The following CLEC16A variants were observed in gnomAD, a reference collection of about 807,000 sequenced individuals.
The protein encoded by CLEC16A is protein CLEC16A.
Under a neutral mutation model 109.5 loss-of-function variants are expected in CLEC16A, and 51 were observed. That is an observed-to-expected ratio of 0.47 (90% CI 0.37 to 0.59). The LOEUF (loss-of-function observed/expected upper bound fraction) is 0.59. CLEC16A is among the 20% of genes least tolerant of loss of function. The pLI, the probability that CLEC16A is intolerant of heterozygous loss-of-function variation, is 0.00. For synonymous variants in CLEC16A, 673 were observed against 564.2 expected (o/e 1.19, Z -2.73); for missense variants, 1,339 against 1,394.0 (o/e 0.96, Z 0.63).
intron 19 of CLEC16A, among the ~76,000 whole-genome samples, chr16:11,101,111 C>T (rs1036825516): frequency 8.5e-5 from 13 of 152,106 alleles, no homozygotes; most frequent in Non-Finnish European, 1.2e-4. Flanking sequence ...GCTTAGTAAA[C>T]TCTTTGTTCG....
At chr16:11,003,783 G>A (rs1211952424) in intron 11 of CLEC16A, among the ~76,000 whole-genome samples, 1 of 151,864 alleles carries the variant, frequency 6.6e-6, no homozygotes, top group Non-Finnish European at 1.5e-5. Flanking sequence ...AATAACCTGG[G>A]GTTATGATTT....
At chr16:11,161,494 G>C (rs1021341642) in intron 22 of CLEC16A, among the ~76,000 whole-genome samples, 4 of 152,186 alleles carry the variant, frequency 2.6e-5, no homozygotes, top group Middle Eastern at 3.2e-3. Flanking sequence ...ACTGACCTAG[G>C]CTGCTGGAGG....
intron 7 of CLEC16A, among the ~76,000 whole-genome samples, chr16:10,976,346 C>CTTT (rs35062493): frequency 6.8e-6 from 1 of 147,446 alleles, no homozygotes. Flanking sequence ...CTTGTTTTTA[C>CTTT]TTTTTTTTTT....
intron 17 of CLEC16A, among the ~76,000 whole-genome samples, chr16:11,049,634 G>C (rs904290427): frequency 7.2e-5 from 11 of 152,218 alleles, no homozygotes; most frequent in Non-Finnish European, 1.3e-4. Flanking sequence ...GAGTGGAAGG[G>C]GGTGGGGACA....
At chr16:11,136,697 C>T (rs2053581521) in intron 22 of CLEC16A, among the ~76,000 whole-genome samples, 2 of 152,220 alleles carry the variant, frequency 1.3e-5, no homozygotes, top group South Asian at 2.1e-4. Flanking sequence ...GAATTTTCCT[C>T]CTCACACAGA....
At chr16:11,057,142 C>A in intron 18 of CLEC16A, 1 of 155,902 alleles carries the variant, frequency 6.4e-6, no homozygotes. Context: ...TCATGACCCT[C>A]TGCATATTGC....
chr16:11,177,816 T>C (rs1368021161), intron 23 of CLEC16A, among the ~76,000 whole-genome samples: 1 of 151,682 alleles, frequency 6.6e-6, no homozygotes. Flanking sequence ...AAGGTTTTGT[T>C]TTGGTTTTGC....
intron 22 of CLEC16A, among the ~76,000 whole-genome samples, chr16:11,144,993 G>A (rs2053992269): frequency 6.6e-6 from 1 of 152,194 alleles, no homozygotes. Flanking sequence ...CTGGAAGGAA[G>A]TCTTAAAGGA....
chr16:11,069,939 A>G (rs2048973031), intron 19 of CLEC16A, among the ~76,000 whole-genome samples: 3 of 152,154 alleles, frequency 2.0e-5, no homozygotes, highest in African/African-American at 4.8e-5. Flanking sequence ...TATATGAAGG[A>G]CTTGAGCATC....
chr16:11,141,463 C>T (rs991438781), intron 22 of CLEC16A, among the ~76,000 whole-genome samples: 8 of 152,292 alleles, frequency 5.3e-5, no homozygotes, highest in East Asian at 3.9e-4. Context: ...GGGTTCATGC[C>T]GCCAGAGCAC....
chr16:10,981,885 C>T (rs2043341370), intron 9 of CLEC16A, among the ~76,000 whole-genome samples: 1 of 152,146 alleles, frequency 6.6e-6, no homozygotes, highest in African/African-American at 2.4e-5. Context: ...ATTCAGTTGT[C>T]ATGACCGAGG....
intron 10 of CLEC16A, among the ~76,000 whole-genome samples, chr16:10,995,427 A>G (rs545372052): frequency 9.3e-4 from 141 of 152,326 alleles, no homozygotes; most frequent in Non-Finnish European, 1.1e-3. Flanking sequence ...GCCCAGGAGC[A>G]TGTTGGGGAG....
At chr16:11,079,833 T>C (rs1247722426) in intron 19 of CLEC16A, among the ~76,000 whole-genome samples, 2 of 152,232 alleles carry the variant, frequency 1.3e-5, no homozygotes, top group East Asian at 3.8e-4. Context: ...CAGCTTTCAC[T>C]GTTCCCTGCT....
intron 21 of CLEC16A, among the ~76,000 whole-genome samples, chr16:11,125,162 C>T (rs565497441): frequency 2.0e-5 from 3 of 152,296 alleles, no homozygotes; most frequent in African/African-American, 7.2e-5. Context: ...TGCACAGGCC[C>T]GCGTCCCACG....
Position 11,142,880 on chromosome 16 carries a change from A to C in CLEC16A, c.2641+16734A>C, listed in dbSNP as rs571573616. ...GGCTGGAGTGCAGTGGCACAATCTC[A>C]GCTCACTGCAACCTCCGCCCCCCTG... is the stretch of plus-strand genomic sequence containing the variant. On this transcript the variant is annotated intron_variant, in intron 22 of 23. Coordinates refer to ENST00000409790, the MANE Select transcript of CLEC16A (RefSeq NM_015226.3). Among the ~76,000 whole-genome samples the C allele has an allele frequency of 2.2e-4, 34 of 152,234 alleles. 1 individual carries two copies. The South Asian group carries it at 7.1e-3, about 32-fold the overall frequency.
intron 3 of CLEC16A, among the ~76,000 whole-genome samples, chr16:10,966,531 G>C (rs981854075): frequency 3.3e-5 from 5 of 152,184 alleles, no homozygotes; most frequent in African/African-American, 1.2e-4. Context: ...TTAGGGTTAT[G>C]TATCTATGTG....
At position 11,017,629 on chromosome 16, in the gene CLEC16A, A is replaced by G. The variant is rs114900468; in HGVS notation, c.1304-2564A>G. 4.5e-3 allele frequency among the ~76,000 whole-genome samples: 686 copies of G among 152,344 alleles called. 5 individuals carry two copies. Among genetic ancestry groups the G allele is most frequent in the Middle Eastern group, 0.031 (9 of 294 alleles). Reference sequence around the variant, plus strand: ...AAAGCTGATGAACATTAGCTTGGCCAAGTATTGGAGATTAACATCAACAGT... The same window carrying G: ...AAAGCTGATGAACATTAGCTTGGCCGAGTATTGGAGATTAACATCAACAGT... On this transcript the variant is annotated intron_variant, in intron 11 of 23. Transcript: ENST00000409790.
chr16:11,106,292 C>G (rs1322364427), intron 19 of CLEC16A, among the ~76,000 whole-genome samples: 4 of 152,056 alleles, frequency 2.6e-5, no homozygotes, highest in Non-Finnish European at 2.9e-5. Context: ...CTTTATCCAC[C>G]AAACTTTTTT....
intron 13 of CLEC16A, among the ~76,000 whole-genome samples, chr16:11,037,123 C>T (rs552072021): frequency 7.9e-5 from 12 of 152,318 alleles, no homozygotes; most frequent in African/African-American, 2.9e-4. Context: ...TCCCGCACCC[C>T]ACCGCTAGGC....
Sources: allele counts gnomAD v4.1 joint callset (sites outside exome capture counted in the v4.1 genomes callset), GRCh38; gene constraint gnomAD v4.1.1; transcripts MANE v1.5; gene names NCBI Gene and HGNC (gene_info 2026-07-23, HGNC 2026-07-21).